LRFN2: variants seen among roughly 807,000 people sequenced by gnomAD.
LRFN2 encodes leucine-rich repeat and fibronectin type-III domain-containing protein 2.
LRFN2 carries 18 observed loss-of-function variants against 37.3 expected under a neutral mutation model. The observed-to-expected ratio is 0.48, with a 90% CI of 0.33 to 0.72. The LOEUF is 0.72. Ranked by LOEUF, LRFN2 falls within the 30% of genes least tolerant of loss-of-function variation. The pLI is 0.02. For missense variants in LRFN2, 1,006 were observed against 1,060.7 expected (o/e 0.95, Z 0.72); for synonymous variants, 556 against 466.6 (o/e 1.19, Z -2.47).
intron 1 of LRFN2, among the ~76,000 whole-genome samples, chr6:40,491,449 C>G (rs917183644): frequency 5.3e-5 from 8 of 152,158 alleles, no homozygotes; most frequent in Non-Finnish European, 1.0e-4. Flanking sequence ...GGCTCTGGCC[C>G]CACTCCATTT....
chr6:40,425,297 G>T (rs1311466443), intron 2 of LRFN2, among the ~76,000 whole-genome samples: 1 of 152,172 alleles, frequency 6.6e-6, no homozygotes, highest in Non-Finnish European at 1.5e-5. Flanking sequence ...GCAACACAAG[G>T]CATGGCTGCA....
chr6:40,428,920 G>A (rs1370416880), intron 2 of LRFN2, among the ~76,000 whole-genome samples: 1 of 152,120 alleles, frequency 6.6e-6, no homozygotes, highest in Non-Finnish European at 1.5e-5. Context: ...CCAGGATGGT[G>A]GATGTGATGC....
chr6:40,499,025 C>T (rs1765306431), intron 1 of LRFN2, among the ~76,000 whole-genome samples: 1 of 152,166 alleles, frequency 6.6e-6, no homozygotes, highest in Non-Finnish European at 1.5e-5. Flanking sequence ...CTTATACACA[C>T]GATTTCAAAC....
intron 1 of LRFN2, among the ~76,000 whole-genome samples, chr6:40,434,837 G>A (rs1306167215): frequency 6.6e-6 from 1 of 151,654 alleles, no homozygotes; most frequent in African/African-American, 2.4e-5. Flanking sequence ...TCTAAGGCCA[G>A]TAAGGTGGGG....
rs80232892 is a variant in LRFN2 at position 40,450,204 on chromosome 6, C to T, written c.-18-17073G>A. On this transcript the variant is annotated intron_variant, in intron 1 of 2. Coordinates refer to ENST00000338305, the MANE Select transcript of LRFN2 (RefSeq NM_020737.3). ...CACCACTGACTTTGCATCCTTGCCT[C>T]ACCTTCCCTACCTCGGAGCTCACCT... Among the ~76,000 whole-genome samples, 1,303 of 152,296 alleles carry T rather than the reference C, an allele frequency of 8.6e-3. 19 individuals carry two copies. Among genetic ancestry groups the T allele is most frequent in the African/African-American group, 0.029 (1,220 of 41,556 alleles).
At chr6:40,454,152 T>G (rs1764184569) in intron 1 of LRFN2, among the ~76,000 whole-genome samples, 1 of 152,196 alleles carries the variant, frequency 6.6e-6, no homozygotes, top group Non-Finnish European at 1.5e-5. Context: ...AGGAAAACAC[T>G]TTAATTTCAT....
chr6:40,460,123 G>A (rs1764315667), intron 1 of LRFN2, among the ~76,000 whole-genome samples: 2 of 152,178 alleles, frequency 1.3e-5, no homozygotes, highest in Admixed American at 1.3e-4. Context: ...GTCCCCATGT[G>A]GACTCTTGTG....
At chr6:40,515,719 T>C (rs971918930) in intron 1 of LRFN2, among the ~76,000 whole-genome samples, 2 of 151,630 alleles carry the variant, frequency 1.3e-5, no homozygotes, top group East Asian at 1.9e-4. Context: ...TGAAACCCCG[T>C]CTCTACTAAA....
intron 1 of LRFN2, among the ~76,000 whole-genome samples, chr6:40,557,273 A>T (rs911149080): frequency 1.3e-5 from 2 of 152,228 alleles, no homozygotes; most frequent in African/African-American, 4.8e-5. Context: ...CAAGGCACCG[A>T]CATCTGACCA....
At chr6:40,556,576 A>T (rs557441276) in intron 1 of LRFN2, among the ~76,000 whole-genome samples, 4 of 152,116 alleles carry the variant, frequency 2.6e-5, no homozygotes, top group Non-Finnish European at 5.9e-5. Flanking sequence ...TGTCCTGAGG[A>T]TGGAAAGTTA....
intron 1 of LRFN2, among the ~76,000 whole-genome samples, chr6:40,577,983 C>A (rs1290881063): frequency 2.0e-5 from 3 of 152,050 alleles, no homozygotes; most frequent in Admixed American, 2.0e-4. Context: ...GGTTCCCAAT[C>A]CAGGTTCCCC....
At chr6:40,416,682 G>A (rs1393478302) in intron 2 of LRFN2, among the ~76,000 whole-genome samples, 3 of 152,166 alleles carry the variant, frequency 2.0e-5, no homozygotes, top group Non-Finnish European at 4.4e-5. Context: ...AGTCCACACA[G>A]GAGAACTGAG....
chr6:40,550,733 T>C (rs938976801), intron 1 of LRFN2, among the ~76,000 whole-genome samples: 3 of 152,142 alleles, frequency 2.0e-5, no homozygotes, highest in African/African-American at 7.2e-5. Flanking sequence ...ATTGGGTGTG[T>C]TGAGGTGTAA....
chr6:40,474,085 G>T (rs1319115533), intron 1 of LRFN2, among the ~76,000 whole-genome samples: 1 of 152,140 alleles, frequency 6.6e-6, no homozygotes, highest in Non-Finnish European at 1.5e-5. Context: ...GGCCCACAGG[G>T]TCTAATAGGT....
intron 1 of LRFN2, among the ~76,000 whole-genome samples, chr6:40,534,259 A>G (rs1052939483): frequency 1.3e-5 from 2 of 152,186 alleles, no homozygotes; most frequent in Admixed American, 6.5e-5. Context: ...GATGGGCTCA[A>G]TGAACTAGAC....
intron 1 of LRFN2, among the ~76,000 whole-genome samples, chr6:40,464,716 C>T (rs908102993): frequency 1.3e-5 from 2 of 152,160 alleles, no homozygotes; most frequent in African/African-American, 2.4e-5. Flanking sequence ...CTCTGCCTTC[C>T]GTGGCCACAA....
chr6:40,575,172 G>A (rs2494944), intron 1 of LRFN2, among the ~76,000 whole-genome samples: 3 of 151,980 alleles, frequency 2.0e-5, no homozygotes, highest in Non-Finnish European at 4.4e-5. Context: ...TGGGCAGCAC[G>A]CAGCAGGGCC....
chr6:40,395,215 G>A (rs1446359910), intron 2 of LRFN2, among the ~76,000 whole-genome samples: 1 of 152,150 alleles, frequency 6.6e-6, no homozygotes, highest in Non-Finnish European at 1.5e-5. Flanking sequence ...AGAAGAAATG[G>A]CTGAGACTCA....
intron 1 of LRFN2, among the ~76,000 whole-genome samples, chr6:40,573,202 G>A: frequency 6.6e-6 from 1 of 152,170 alleles, no homozygotes; most frequent in Non-Finnish European, 1.5e-5. Flanking sequence ...CTGTCCTATA[G>A]AACAGGTTTA....
Sources: allele counts gnomAD v4.1 joint callset (sites outside exome capture counted in the v4.1 genomes callset), GRCh38; gene constraint gnomAD v4.1.1; transcripts MANE v1.5; gene names NCBI Gene and HGNC (gene_info 2026-07-23, HGNC 2026-07-21).